KIFAP3: variants seen among roughly 807,000 people sequenced by gnomAD.
KIFAP3 encodes the protein kinesin associated protein 3.
Under a neutral mutation model 106.5 loss-of-function variants are expected in KIFAP3, and 68 were observed. The observed-to-expected ratio is 0.64, with a 90% CI of 0.53 to 0.78. The LOEUF (loss-of-function observed/expected upper bound fraction) is 0.78, where lower values mean the gene tolerates loss of function less well. KIFAP3 is among the 30% of genes least tolerant of loss of function. The pLI, the probability that KIFAP3 is intolerant of heterozygous loss-of-function variation, is 0.00. For missense variants in KIFAP3, 780 were observed against 941.8 expected (o/e 0.83, Z 2.25); for synonymous variants, 320 against 311.5 (o/e 1.03, Z -0.29).
intron 3 of KIFAP3, among the ~76,000 whole-genome samples, chr1:170,042,952 A>G (rs994521997): frequency 6.6e-6 from 1 of 152,174 alleles, no homozygotes; most frequent in Non-Finnish European, 1.5e-5. Context: ...ATAACCAAGG[A>G]ATTGAATATT....
intron 3 of KIFAP3, among the ~76,000 whole-genome samples, chr1:170,046,210 C>CAAAAAAAAAAAAAAAA (rs60580320): frequency 2.3e-4 from 13 of 56,916 alleles, no homozygotes; most frequent in Admixed American, 8.1e-4. Flanking sequence ...TTCTCTGCTG[C>CAAAAAAAAAAAAAAAA]AAAAAAAAAA....
intron 8 of KIFAP3, among the ~76,000 whole-genome samples, chr1:170,025,554 T>G (rs1669058985): frequency 6.6e-6 from 1 of 152,146 alleles, no homozygotes; most frequent in African/African-American, 2.4e-5. Flanking sequence ...AAATCACACT[T>G]ATTAAGTACC....
intron 12 of KIFAP3, 148 bp downstream of exon 12, chr1:169,984,434 T>C: frequency 2.4e-6 from 1 of 420,260 alleles, no homozygotes; most frequent in South Asian, 8.2e-5. Flanking sequence ...ATATTCTATC[T>C]GACCTTTAAG....
At chr1:170,033,384 C>T (rs573437556) in intron 7 of KIFAP3, among the ~76,000 whole-genome samples, 57 of 151,648 alleles carry the variant, frequency 3.8e-4, no homozygotes, top group African/African-American at 1.3e-3. Context: ...CACTTTTGCA[C>T]AAAGCAGAGT....
chr1:169,951,120 G>A lies in KIFAP3; in HGVS notation c.2273+2891C>T, dbSNP rs116775221. Among the ~76,000 whole-genome samples the A allele has an allele frequency of 4.0e-3, 613 of 151,938 alleles. 3 individuals are homozygous for A. Among genetic ancestry groups the A allele is most frequent in the Non-Finnish European group, 5.6e-3 (382 of 67,788 alleles). Reference sequence around the variant, plus strand: ...AATCTTTGGCTATATTGTGTAATCCGTCTGTGGCTCTGCTGATACAGTTTA... The same window carrying A: ...AATCTTTGGCTATATTGTGTAATCCATCTGTGGCTCTGCTGATACAGTTTA... On this transcript the variant is annotated intron_variant, in intron 19 of 19. Transcript: ENST00000361580.
chr1:169,938,898 ATGTC>A (rs1663952565), intron 19 of KIFAP3, among the ~76,000 whole-genome samples: 1 of 152,192 alleles, frequency 6.6e-6, no homozygotes, highest in South Asian at 2.1e-4. Context: ...AACTTGGTGA[ATGTC>A]TGGGGAAGAG....
At chr1:169,986,989 T>C (rs1666859077) in intron 11 of KIFAP3, among the ~76,000 whole-genome samples, 1 of 152,008 alleles carries the variant, frequency 6.6e-6, no homozygotes, top group Non-Finnish European at 1.5e-5. Context: ...CCATTCCCCA[T>C]ATCGAGCTAA....
chr1:170,008,808 C>A (rs550525536), intron 10 of KIFAP3, among the ~76,000 whole-genome samples: 2 of 152,180 alleles, frequency 1.3e-5, no homozygotes, highest in Non-Finnish European at 2.9e-5. Context: ...AGTATAAAGA[C>A]ACATGCACAC....
chr1:169,953,159 G>C (rs1664815905), intron 19 of KIFAP3, among the ~76,000 whole-genome samples: 1 of 151,976 alleles, frequency 6.6e-6, no homozygotes, highest in Admixed American at 6.6e-5. Context: ...TATACTTTCT[G>C]GCGAGATTTT....
At chr1:170,015,527 A>T (rs1668461065) in intron 10 of KIFAP3, among the ~76,000 whole-genome samples, 2 of 152,232 alleles carry the variant, frequency 1.3e-5, no homozygotes, top group Admixed American at 6.5e-5. Context: ...GAAAGCTGTT[A>T]AAAAGAATGA....
intron 19 of KIFAP3, among the ~76,000 whole-genome samples, chr1:169,945,720 G>C (rs1042463661): frequency 6.6e-6 from 1 of 152,092 alleles, no homozygotes; most frequent in South Asian, 2.1e-4. Flanking sequence ...AAAAGAAAGC[G>C]AATCACTTGA....
chr1:169,999,561 G>T (rs1443404215), intron 10 of KIFAP3, among the ~76,000 whole-genome samples: 1 of 152,082 alleles, frequency 6.6e-6, no homozygotes, highest in African/African-American at 2.4e-5. Flanking sequence ...AGTAATAAGG[G>T]CAGGGTAGAA....
Position 169,982,737 on chromosome 1 carries a change from T to C in KIFAP3, c.1637A>G (p.Lys546Arg). The C allele has an allele frequency of 6.2e-7, 1 of 1,609,700 alleles. No individual in the cohort carries two copies. The highest frequency in any genetic ancestry group is 8.5e-7 in the Non-Finnish European group (1 of 1,177,646). ...LDWELVLKEY[K>R]LVPYLKDKLK... Reference sequence around the variant, plus strand: ...TTTATCCTTGAGGTATGGAACCAACTTATATTCTTTAAGAACCAATTCCCA... The same window carrying C: ...TTTATCCTTGAGGTATGGAACCAACCTATATTCTTTAAGAACCAATTCCCA... Residue 546 changes from lysine to arginine, a missense_variant, in exon 14 of 20, where the codon AAG (lysine) becomes AGG (arginine). Coordinates refer to ENST00000361580, the MANE Select transcript of KIFAP3 (RefSeq NM_014970.4).
intron 1 of KIFAP3, among the ~76,000 whole-genome samples, chr1:170,060,302 C>A (rs1179822743): frequency 1.3e-5 from 2 of 152,174 alleles, no homozygotes; most frequent in Non-Finnish European, 1.5e-5. Context: ...TGATAAGCAA[C>A]TTCAGCAAAG....
intron 19 of KIFAP3, among the ~76,000 whole-genome samples, chr1:169,934,123 G>A (rs1480514821): frequency 6.6e-6 from 1 of 152,086 alleles, no homozygotes; most frequent in African/African-American, 2.4e-5. Context: ...TCTGCCTAAT[G>A]ATCTAGACAG....
chr1:170,047,620 C>CAAAA (rs1165754265), intron 2 of KIFAP3, among the ~76,000 whole-genome samples: 13 of 46,166 alleles, frequency 2.8e-4, no homozygotes, highest in South Asian at 8.8e-4. Context: ...GGCTCTGTCT[C>CAAAA]AAAAAAAAAA....
chr1:170,040,957 C>T (rs1016210377), intron 3 of KIFAP3, among the ~76,000 whole-genome samples: 2 of 151,958 alleles, frequency 1.3e-5, no homozygotes, highest in Non-Finnish European at 2.9e-5. Flanking sequence ...TCCTGAGTAG[C>T]TGGGATCACA....
chr1:169,947,571 A>G lies in KIFAP3; in HGVS notation c.2273+6440T>C, dbSNP rs1244010768. Among the ~76,000 whole-genome samples, 3 of 152,032 alleles carry G rather than the reference A, an allele frequency of 2.0e-5. No individual in the cohort carries two copies. The East Asian group carries it at 5.8e-4, about 29-fold the overall frequency. On this transcript the variant is annotated intron_variant, in intron 19 of 19. Coordinates refer to ENST00000361580, the MANE Select transcript of KIFAP3 (RefSeq NM_014970.4). The stretch of plus-strand genomic sequence containing the variant: ...CATTCAATGATATTTTTTTAATATT[A>G]TACTATGTTTCATAATAGACTTATC...
At chr1:169,942,912 C>CCA (rs1553273146) in intron 19 of KIFAP3, among the ~76,000 whole-genome samples, 1 of 92,910 alleles carries the variant, frequency 1.1e-5, no homozygotes, top group South Asian at 4.5e-4. Context: ...TTAAAGACGC[C>CCA]CCCCCCCACC....
Sources: allele counts gnomAD v4.1 joint callset (sites outside exome capture counted in the v4.1 genomes callset), GRCh38; gene constraint gnomAD v4.1.1; transcripts MANE v1.5; gene names NCBI Gene and HGNC (gene_info 2026-07-23, HGNC 2026-07-21).